ACY1: variants seen among roughly 807,000 people sequenced by gnomAD.
ACY1 encodes the protein aminoacylase-1.
In ACY1, 38 loss-of-function variants were observed where a neutral mutation model predicts 53.3. That is an observed-to-expected ratio of 0.71 (90% confidence interval 0.55 to 0.93). ACY1 has a LOEUF of 0.93. Among genes scored for constraint, ACY1 ranks in the 40% least tolerant of loss-of-function variants. The pLI, the probability that ACY1 is intolerant of heterozygous loss-of-function variation, is 0.00. For synonymous variants in ACY1, 177 were observed against 202.1 expected (o/e 0.88, Z 1.05); for missense variants, 484 against 540.9 (o/e 0.89, Z 1.04).
intron 8 of ACY1, 84 bp from the exon 9 acceptor site, chr3:51,986,904 G>T: frequency 6.8e-7 from 1 of 1,461,476 alleles, no homozygotes; most frequent in Non-Finnish European, 9.4e-7. Flanking sequence ...CCTGGAATGA[G>T]GGGGAGACCT....
At chr3:51,986,818 G>A (rs550839605) in intron 8 of ACY1, 157 bp downstream of exon 8, 2 of 1,271,540 alleles carry the variant, frequency 1.6e-6, no homozygotes, top group African/African-American at 1.5e-5. Context: ...GAGCTTCTCT[G>A]AGGGCAAGCC....
intron 12 of ACY1, chr3:51,987,844 GA>G (rs1701129430): frequency 7.1e-6 from 4 of 566,548 alleles, no homozygotes; most frequent in Non-Finnish European, 1.3e-5. Context: ...CTTGTATGGT[GA>G]AACGGGGAGA....
chr3:51,989,193 C>A lies in ACY1; in HGVS notation c.*118C>A. 7.2e-7 allele frequency: 1 copy of A among 1,387,950 alleles called. No individual in the cohort carries two copies. The highest frequency in any genetic ancestry group is 1.0e-6 in the Non-Finnish European group (1 of 998,454). The allele number at this position is 1,387,950 out of a possible 1,614,324, so 86.0% of individuals were successfully genotyped here. A position where few individuals can be genotyped will look rare whatever the true frequency, so the allele number is the denominator to read the frequency against. ...GACAGGGCTGTCTCTGAAGTACTAACACAAGGACACTCGTGGAGCAAGAAT... is the reference window on the plus strand; with the variant it reads ...GACAGGGCTGTCTCTGAAGTACTAAAACAAGGACACTCGTGGAGCAAGAAT... On this transcript the variant is annotated 3_prime_UTR_variant, in exon 15 of 15. Coordinates refer to ENST00000636358, the MANE Select transcript of ACY1 (RefSeq NM_000666.3).
rs996051231 is a variant in ACY1 at position 51,988,593 on chromosome 3, T to C, written c.991T>C (p.Cys331Arg). The C allele has an allele frequency of 3.1e-6, 5 of 1,614,098 alleles. No individual in the cohort carries two copies. The highest frequency in any genetic ancestry group is 1.3e-5 in the African/African-American group (1 of 74,912). ...TTGGTGGGCAGCTTTTAGCCGGGTCTGCAAGGATATGTGAGCACGCTGGCC... is the reference window on the plus strand; with the variant it reads ...TTGGTGGGCAGCTTTTAGCCGGGTCCGCAAGGATATGTGAGCACGCTGGCC... ...NPWWAAFSRV[C>R]KDMNLTLEPE... Residue 331 changes from cysteine to arginine, a missense_variant, in exon 13 of 15, where the codon TGC becomes CGC. Cys to Arg is a radical substitution (Grantham distance 180). Coordinates refer to ENST00000636358, the MANE Select transcript of ACY1 (RefSeq NM_000666.3).
At chr3:51,985,038 C>T in intron 2 of ACY1, 169 bp from the exon 3 acceptor site, 1 of 756,224 alleles carries the variant, frequency 1.3e-6, no homozygotes. Context: ...ACTGAGTAGC[C>T]AAAAATATCT....
intron 1 of ACY1, 106 bp from the exon 2 acceptor site, chr3:51,983,941 C>G: frequency 1.2e-6 from 1 of 807,564 alleles, no homozygotes; most frequent in South Asian, 1.4e-5. Flanking sequence ...ACACGGTATC[C>G]TACCCCTGTG....
chr3:51,986,482 G>A lies in ACY1; in HGVS notation c.504G>A (p.Arg168=), dbSNP rs756591435. 3.7e-6 allele frequency: 6 copies of A among 1,614,030 alleles called. No homozygotes were observed. In the South Asian group the frequency reaches 6.6e-5, roughly 18 times the overall value. Residue 168 remains arginine, a synonymous_variant, in exon 7 of 15, where the codon AGG becomes AGA. Coordinates refer to ENST00000636358, the MANE Select transcript of ACY1 (RefSeq NM_000666.3). ...AGCGGCCTGAGTTCCACGCCCTGAG[G>A]GCAGGCTTTGCCCTGGATGAGGGTG... ...FVQRPEFHAL[R]AGFALDEGIA... is the part of the protein sequence containing the mutation.
At chr3:51,986,835 G>T in intron 8 of ACY1, 153 bp from the exon 9 acceptor site, 2 of 1,235,942 alleles carry the variant, frequency 1.6e-6, no homozygotes, top group Non-Finnish European at 2.3e-6. Context: ...AGCCCTGAAT[G>T]GGCAGAAACC....
Position 51,985,255 on chromosome 3 carries a change from G to C in ACY1, c.143G>C (p.Gly48Ala), listed in dbSNP as rs1182735817. ...FEETARQLGLGCQKVEVAPGY... is the reference protein window; with the variant it reads ...FEETARQLGLACQKVEVAPGY... ...GAGACAGCCCGCCAGCTGGGCCTGG[G>C]CTGTCAGAAAGTAGAGGTGAGCCTG... The change falls in exon 3 of 15, where the codon GGC becomes GCC. Residue 48 changes from glycine to alanine, a missense_variant. Physicochemically the swap from Gly to Ala is moderately conservative, Grantham distance 60. Coordinates refer to ENST00000636358, the MANE Select transcript of ACY1 (RefSeq NM_000666.3). The C allele has an allele frequency of 6.2e-7, 1 of 1,609,842 alleles. No individual in the cohort carries two copies. Among genetic ancestry groups the C allele is most frequent in the African/African-American group, 1.3e-5 (1 of 74,858 alleles).
Position 51,986,020 on chromosome 3 carries a change from T to C in ACY1, c.359+74T>C, listed in dbSNP as rs563452836. On this transcript the variant is annotated intron_variant, in intron 5 of 14. Coordinates refer to ENST00000636358, the MANE Select transcript of ACY1 (RefSeq NM_000666.3). Reference sequence around the variant, plus strand: ...TGGATTGAAGCAGGACCTGAGGGGGTGATTGGAGAAACTCAAGGCCAAGGA... The same window carrying C: ...TGGATTGAAGCAGGACCTGAGGGGGCGATTGGAGAAACTCAAGGCCAAGGA... The C allele has an allele frequency of 1.0e-5, 15 of 1,439,204 alleles. No homozygotes were observed. In the African/African-American group the frequency reaches 2.1e-4, roughly 20 times the overall value. 89.2% of individuals were successfully genotyped at this position (1,439,204 alleles called of 1,614,324 possible). A position where few individuals can be genotyped will look rare whatever the true frequency, so the allele number is the denominator to read the frequency against.
rs1374616741 is a variant in ACY1 at position 51,985,343 on chromosome 3, C to A, written c.160-18C>A. 6.2e-7 allele frequency: 1 copy of A among 1,614,116 alleles called. No individual in the cohort carries two copies. The highest frequency in any genetic ancestry group is 1.7e-5 in the Admixed American group (1 of 60,020). ...TCCTCACCCTGCTCAGACCACCTAC[C>A]CTCCTGACCATCTCCAGGTGGCACC... On this transcript the variant is annotated intron_variant, in intron 3 of 14. Transcript: ENST00000636358.
intron 7 of ACY1, 26 bp from the exon 8 acceptor site, chr3:51,986,579 C>T (rs1559780270): frequency 2.5e-6 from 4 of 1,614,084 alleles, no homozygotes; most frequent in Non-Finnish European, 1.7e-6. Context: ...GCTGCTCCAC[C>T]CTCTGAACCC....
At position 51,985,266 on chromosome 3, in the gene ACY1, G is replaced by C; in HGVS notation, c.154G>C (p.Val52Leu). 6.2e-7 allele frequency: 1 copy of C among 1,610,946 alleles called. No individual in the cohort carries two copies. Reference protein sequence around the residue: ...ARQLGLGCQKVEVAPGYVVTV... With the variant: ...ARQLGLGCQKLEVAPGYVVTV... ...CCAGCTGGGCCTGGGCTGTCAGAAA[G>C]TAGAGGTGAGCCTGGGGCCCTAAGC... The change falls in exon 3 of 15, where the codon GTA becomes CTA. Residue 52 changes from valine (V) to leucine (L), a missense_variant. Coordinates refer to ENST00000636358, the MANE Select transcript of ACY1 (RefSeq NM_000666.3).
In ACY1 at chr3:51,986,340, G is replaced by C. The variant is rs557151124; in HGVS notation, c.436+9G>C. 3 of 1,579,470 alleles carry C rather than the reference G, an allele frequency of 1.9e-6. No individual in the cohort carries two copies. Among genetic ancestry groups the C allele is most frequent in the Admixed American group, 3.4e-5 (2 of 59,048 alleles). On this transcript the variant is annotated intron_variant, in intron 6 of 14. Coordinates refer to ENST00000636358, the MANE Select transcript of ACY1 (RefSeq NM_000666.3). Reference sequence around the variant, plus strand: ...CATGACCTTTGTGCCTGGTAGGAGTGGCTCAGATACCTTTGGGAAAGGGGA... The same window carrying C: ...CATGACCTTTGTGCCTGGTAGGAGTCGCTCAGATACCTTTGGGAAAGGGGA...
At chr3:51,988,426 T>G in intron 12 of ACY1, 98 bp from the exon 13 acceptor site, 8 of 1,029,210 alleles carry the variant, frequency 7.8e-6, no homozygotes, top group South Asian at 1.3e-5. Flanking sequence ...GGAGTGGGGG[T>G]GGGGAGGTGT....
At chr3:51,988,388 T>C (rs538435623) in intron 12 of ACY1, 136 bp from the exon 13 acceptor site, 458 of 785,154 alleles carry the variant, frequency 5.8e-4, no homozygotes, top group Non-Finnish European at 8.3e-4. Context: ...GTGGCTGGAC[T>C]GGCTACCCAG....
At position 51,984,905 on chromosome 3, in the gene ACY1, TC is replaced by T. The variant is rs1701003667; in HGVS notation, c.95-301del. On this transcript the variant is annotated intron_variant, in intron 2 of 14. Transcript: ENST00000636358. ...GTCCAAATTCCTCCTCTGTGATTAA[TC>T]AGCTGAGAGATGGTGGGTGAATCTC... The T allele has an allele frequency of 6.5e-6, 3 of 459,842 alleles. No individual in the cohort carries two copies. The South Asian group carries it at 6.7e-5, about 10-fold the overall frequency. 28.5% of individuals were successfully genotyped at this position (459,842 alleles called of 1,614,324 possible). A position where few individuals can be genotyped will look rare whatever the true frequency, so the allele number is the denominator to read the frequency against.
chr3:51,983,981 C>T, intron 1 of ACY1, 66 bp from the exon 2 acceptor site: 1 of 1,197,562 alleles, frequency 8.4e-7, no homozygotes, highest in Non-Finnish European at 1.2e-6. Flanking sequence ...TGGGGACAGG[C>T]TGTGTGCAGG....
rs770471299 is a variant in ACY1, at chr3:51,988,955, T to G, written c.1107T>G (p.Pro369=). The G allele has an allele frequency of 6.2e-7, 1 of 1,614,070 alleles. No homozygotes were observed. Among genetic ancestry groups the G allele is most frequent in the African/African-American group, 1.3e-5 (1 of 74,916 alleles). The change falls in exon 15 of 15, where the codon CCT becomes CCG. Residue 369 remains proline, a synonymous_variant. Transcript: ENST00000636358. ...GCTTCTCACCCATGAACCGCACACCTGTGCTGCTGCACGACCACGATGAAC... is the reference window on the plus strand; with the variant it reads ...GCTTCTCACCCATGAACCGCACACCGGTGCTGCTGCACGACCACGATGAAC... ...ALGFSPMNRT[P]VLLHDHDERL...
Sources: gnomAD v4.1 joint callset for allele counts on GRCh38, gnomAD v4.1.1 for gene constraint, MANE v1.5 for transcripts, NCBI Gene and HGNC (gene_info 2026-07-23, HGNC 2026-07-21) for gene names.